Variants in RAP1GAP2 observed in about 807,000 individuals in gnomAD.
RAP1GAP2 encodes rap1 GTPase-activating protein 2.
In RAP1GAP2, 27 loss-of-function variants were observed where a neutral mutation model predicts 95.0. The observed-to-expected ratio is 0.28, with a 90% CI of 0.21 to 0.39. RAP1GAP2 has a LOEUF of 0.39. Ranked by LOEUF, RAP1GAP2 falls within the 10% of genes least tolerant of loss-of-function variation. The pLI, the probability that RAP1GAP2 is intolerant of heterozygous loss-of-function variation, is 1.00. For missense variants in RAP1GAP2, 771 were observed against 970.0 expected (o/e 0.79, Z 2.72); for synonymous variants, 373 against 380.9 (o/e 0.98, Z 0.24).
chr17:2,892,104 G>A (rs1271116192), intron 2 of RAP1GAP2, among the ~76,000 whole-genome samples: 4 of 152,038 alleles, frequency 2.6e-5, no homozygotes, highest in African/African-American at 7.2e-5. Context: ...GATGACAGGC[G>A]TGAGCCACCG....
chr17:2,879,245 A>T (rs891236686), intron 2 of RAP1GAP2, among the ~76,000 whole-genome samples: 20 of 151,420 alleles, frequency 1.3e-4, no homozygotes, highest in Non-Finnish European at 2.2e-4. Flanking sequence ...CCTCCCAAGT[A>T]TCTAGTTTTA....
intron 2 of RAP1GAP2, among the ~76,000 whole-genome samples, chr17:2,895,379 C>T (rs1459259957): frequency 1.3e-5 from 2 of 152,228 alleles, no homozygotes; most frequent in Non-Finnish European, 2.9e-5. Context: ...GGGGCCAAGC[C>T]TGCGCCCAAG....
At chr17:2,784,599 A>C (rs554559439) in intron 1 of RAP1GAP2, among the ~76,000 whole-genome samples, 1 of 152,114 alleles carries the variant, frequency 6.6e-6, no homozygotes. Flanking sequence ...CAGCAGCTAC[A>C]CTTTTGCTCA....
intron 11 of RAP1GAP2, among the ~76,000 whole-genome samples, chr17:2,985,882 CCCTACCTCTTT>C (rs1182247122): frequency 6.6e-6 from 1 of 152,112 alleles, no homozygotes; most frequent in African/African-American, 2.4e-5. Flanking sequence ...TTCCCATCTT[CCCTACCTCTTT>C]CCTACCATGA....
rs895748619 is a variant in RAP1GAP2 at position 3,037,672 on chromosome 17, A to C, written c.*4311A>C. 1 of 152,596 alleles carries C rather than the reference A, an allele frequency of 6.6e-6. No individual in the cohort carries two copies. The highest frequency in any genetic ancestry group is 2.4e-5 in the African/African-American group (1 of 41,430). The allele number at this position is 152,596 out of a possible 1,614,324, so 9.5% of individuals were successfully genotyped here. On this transcript the variant is annotated 3_prime_UTR_variant, in exon 25 of 25. Coordinates refer to ENST00000254695, the MANE Select transcript of RAP1GAP2 (RefSeq NM_015085.5). ...GTACAAAACAAATTCTAAAAGGTTGACAAATGTATATTTTGTTGCTTAAAT... is the reference window on the plus strand; with the variant it reads ...GTACAAAACAAATTCTAAAAGGTTGCCAAATGTATATTTTGTTGCTTAAAT...
chr17:3,021,849 G>A (rs1294292003), intron 19 of RAP1GAP2, among the ~76,000 whole-genome samples: 1 of 152,216 alleles, frequency 6.6e-6, no homozygotes, highest in Non-Finnish European at 1.5e-5. Context: ...AATATCCATT[G>A]TGTATATAAA....
intron 1 of RAP1GAP2, among the ~76,000 whole-genome samples, chr17:2,769,554 CAAAAAAATAA>C (rs902634140): frequency 2.0e-5 from 3 of 148,720 alleles, no homozygotes; most frequent in African/African-American, 7.4e-5. Flanking sequence ...GACTCCATCT[CAAAAAAATAA>C]AATAAAATGA....
rs1360063443 is a variant in RAP1GAP2 at position 2,904,532 on chromosome 17, G to C, written c.81-752G>C. Among the ~76,000 whole-genome samples the C allele has an allele frequency of 2.1e-5, 3 of 142,000 alleles. No homozygotes were observed. Among genetic ancestry groups the C allele is most frequent in the South Asian group, 4.5e-4 (2 of 4,422 alleles). The allele number at this position is 142,000 out of a possible 152,430, so 93.2% of individuals were successfully genotyped here. A position where few individuals can be genotyped will look rare whatever the true frequency, so the allele number is the denominator to read the frequency against. ...GAGGACAGCTTTTTGACCAGGGCCT[G>C]TGTGTGTGTGTGTGTGTGTGTGTGT... On this transcript the variant is annotated intron_variant, in intron 2 of 24. Coordinates refer to ENST00000254695, the MANE Select transcript of RAP1GAP2 (RefSeq NM_015085.5). This position sits in a 1 kb window ranked among gnomAD's most constrained non-coding sequence, Gnocchi z 4.7.
chr17:2,864,319 C>T (rs1280920464), intron 2 of RAP1GAP2, among the ~76,000 whole-genome samples: 1 of 152,208 alleles, frequency 6.6e-6, no homozygotes, highest in East Asian at 1.9e-4. Flanking sequence ...CTGGCTGGAG[C>T]GTCCATGCCT....
chr17:2,850,364 G>T lies in RAP1GAP2; in HGVS notation c.80+49814G>T, dbSNP rs1448393628. Among the ~76,000 whole-genome samples the T allele has an allele frequency of 2.0e-5, 3 of 152,044 alleles. No homozygotes were observed. The East Asian group carries it at 5.8e-4, about 29-fold the overall frequency. ...TTTGTCAGGCAACAGTATTGAGGCA[G>T]AACTTAATAAATTTATGTTTGTTTT... is the stretch of plus-strand genomic sequence containing the variant. On this transcript the variant is annotated intron_variant, in intron 2 of 24. Coordinates refer to ENST00000254695, the MANE Select transcript of RAP1GAP2 (RefSeq NM_015085.5).
At chr17:2,863,952 T>G (rs1343296482) in intron 2 of RAP1GAP2, among the ~76,000 whole-genome samples, 1 of 151,824 alleles carries the variant, frequency 6.6e-6, no homozygotes, top group Non-Finnish European at 1.5e-5. Context: ...CTCAGGAAGC[T>G]GAGACAGGAG....
intron 1 of RAP1GAP2, among the ~76,000 whole-genome samples, chr17:2,780,120 G>A (rs990927718): frequency 1.3e-5 from 2 of 152,116 alleles, no homozygotes; most frequent in Non-Finnish European, 2.9e-5. Context: ...GCGCGATCTC[G>A]GCTCACCGCA....
At chr17:2,814,044 C>T (rs915865478) in intron 2 of RAP1GAP2, among the ~76,000 whole-genome samples, 6 of 152,092 alleles carry the variant, frequency 3.9e-5, no homozygotes, top group African/African-American at 1.2e-4. Flanking sequence ...AAAATCTCCC[C>T]GACTCCGTTG....
At chr17:2,854,853 G>C (rs1219692057) in intron 2 of RAP1GAP2, among the ~76,000 whole-genome samples, 1 of 152,148 alleles carries the variant, frequency 6.6e-6, no homozygotes, top group Non-Finnish European at 1.5e-5. Context: ...TGTTCTGCTA[G>C]GGTGCATGGC....
chr17:2,914,629 T>C (rs1401188949), intron 3 of RAP1GAP2, among the ~76,000 whole-genome samples: 2 of 151,978 alleles, frequency 1.3e-5, no homozygotes, highest in African/African-American at 4.8e-5. Flanking sequence ...TAGCTGGGAC[T>C]ACAGGCGCCC....
chr17:2,776,034 C>T (rs1293426901), upstream of RAP1GAP2, among the ~76,000 whole-genome samples: 1 of 152,150 alleles, frequency 6.6e-6, no homozygotes, highest in African/African-American at 2.4e-5. Context: ...CAAAAAGTAG[C>T]CGGGTATGGT....
rs1320810242 is a variant in RAP1GAP2, at chr17:2,827,468, G to T, written c.80+26918G>T. On this transcript the variant is annotated intron_variant, in intron 2 of 24. Coordinates refer to ENST00000254695, the MANE Select transcript of RAP1GAP2 (RefSeq NM_015085.5). The surrounding 1 kb of genome is among the most constrained non-coding windows in gnomAD (Gnocchi z 4.1). ...ATGAGGGTGGGGCTCGGGGCTGGGG[G>T]AAGGGGCTACCCTGGGTGGGTGGTC... Among the ~76,000 whole-genome samples, 1 of 150,970 alleles carries T rather than the reference G, an allele frequency of 6.6e-6. No individual in the cohort carries two copies. Among genetic ancestry groups the T allele is most frequent in the Admixed American group, 6.6e-5 (1 of 15,152 alleles).
At chr17:2,923,246 G>C (rs1341316436) in intron 3 of RAP1GAP2, among the ~76,000 whole-genome samples, 1 of 151,876 alleles carries the variant, frequency 6.6e-6, no homozygotes, top group Non-Finnish European at 1.5e-5. Context: ...CACCATGTCG[G>C]CCAGGCTGGT....
intron 3 of RAP1GAP2, among the ~76,000 whole-genome samples, chr17:2,941,502 GA>G (rs2043495819): frequency 6.6e-6 from 1 of 152,120 alleles, no homozygotes. Context: ...GAGGGGGTTG[GA>G]AGGAGGCAGG....
Sources: gnomAD v4.1 joint callset for allele counts (sites outside exome capture counted in the v4.1 genomes callset) on GRCh38, gnomAD v4.1.1 for gene constraint, Gnocchi (gnomAD v3.1) non-coding constraint, MANE v1.5 for transcripts, NCBI Gene and HGNC (gene_info 2026-07-23, HGNC 2026-07-21) for gene names.